The following DDX5 variants were observed in gnomAD, a reference collection of about 807,000 sequenced individuals.
DDX5 encodes the protein DEAD-box helicase 5.
Under a neutral mutation model 68.6 loss-of-function variants are expected in DDX5, and 6 were observed. That is an observed-to-expected ratio of 0.09 (90% CI 0.05 to 0.17). The LOEUF (loss-of-function observed/expected upper bound fraction) is 0.17, where lower values mean the gene tolerates loss of function less well. Among genes scored for constraint, DDX5 ranks in the 10% least tolerant of loss-of-function variants. The pLI is 1.00. For missense variants in DDX5, 499 were observed against 756.1 expected (o/e 0.66, Z 3.99); for synonymous variants, 350 against 247.0 (o/e 1.42, Z -3.91).
chr17:64,505,749 A>G, intron 1 of DDX5: 1 of 1,536,108 alleles, frequency 6.5e-7, no homozygotes, highest in South Asian at 1.2e-5. Context: ...GCCGCACCTA[A>G]CAGATGTTCC....
chr17:64,506,794 G>A (rs891006316), upstream of DDX5: 18 of 545,968 alleles, frequency 3.3e-5, no homozygotes, highest in East Asian at 5.7e-4. Flanking sequence ...CGCCCGGGCT[G>A]CCGGCTGATG....
rs2038215296 is a variant in DDX5, at chr17:64,498,681, TG to T, written c.*1241del. ...TAATCAGAATTTAAATGAAGTCTCC[TG>T]AAGACCTCTCTTCTGGCAAAAAAAA... On this transcript the variant is annotated 3_prime_UTR_variant, in exon 13 of 13. Coordinates refer to ENST00000225792, the MANE Select transcript of DDX5 (RefSeq NM_004396.5). 6.6e-6 allele frequency among the ~76,000 whole-genome samples: 1 copy of T among 151,710 alleles called. No individual in the cohort carries two copies. The highest frequency in any genetic ancestry group is 1.5e-5 in the Non-Finnish European group (1 of 68,016).
chr17:64,499,969 G>A lies in DDX5; in HGVS notation c.1799C>T (p.Ala600Val). The change falls in exon 13 of 13, where the codon GCT (alanine) becomes GTT (valine). Residue 600 changes from alanine (A) to valine (V), a missense_variant. Around this residue, in one of 5 missense-constraint regions of DDX5, gnomAD observed 171 missense variants for 174.8 expected, o/e 0.98. Coordinates refer to ENST00000225792, the MANE Select transcript of DDX5 (RefSeq NM_004396.5). ...QQAYAYPATA[A>V]APMIGYPMPT... Reference sequence around the variant, plus strand: ...CATTGGATAACCAATCATAGGTGCAGCTGCAGTAGCAGGATATGCATATGC... The same window carrying A: ...CATTGGATAACCAATCATAGGTGCAACTGCAGTAGCAGGATATGCATATGC... 1.9e-6 allele frequency: 3 copies of A among 1,612,876 alleles called. No homozygotes were observed. The highest frequency in any genetic ancestry group is 2.5e-6 in the Non-Finnish European group (3 of 1,179,268).
rs1392619094 is a variant in DDX5, at chr17:64,500,363, CTA to C, written c.1442-39_1442-38del. The C allele has an allele frequency of 4.4e-6, 7 of 1,575,804 alleles. No homozygotes were observed. The South Asian group carries it at 5.9e-5, about 13-fold the overall frequency. Reference sequence around the variant, plus strand: ...ACAATTGCAAATTGATCAATTATGTCTATGACACAAATCATTGTGGACAGAAA... The same window carrying C: ...ACAATTGCAAATTGATCAATTATGTCTGACACAAATCATTGTGGACAGAAA... On this transcript the variant is annotated intron_variant, in intron 12 of 12. Coordinates refer to ENST00000225792, the MANE Select transcript of DDX5 (RefSeq NM_004396.5).
Position 64,503,462 on chromosome 17 carries a change from G to A in DDX5, c.617C>T (p.Pro206Leu). 1.2e-6 allele frequency: 2 copies of A among 1,614,150 alleles called. No homozygotes were observed. Among genetic ancestry groups the A allele is most frequent in the Non-Finnish European group, 1.7e-6 (2 of 1,180,022 alleles). The part of the protein sequence containing the change: ...LKSTCIYGGA[P>L]KGPQIRDLER... Reference sequence around the variant, plus strand: ...CAAATCACGTATTTGTGGTCCCTTAGGAGCACCACCGTAGATACAAGTAGA... The same window carrying A: ...CAAATCACGTATTTGTGGTCCCTTAAGAGCACCACCGTAGATACAAGTAGA... Residue 206 changes from proline to leucine, a missense_variant, in exon 6 of 13, where the codon CCT (proline) becomes CTT (leucine). By Grantham distance (98) the Pro-to-Leu change is moderately conservative (BLOSUM62 -3). Transcript: ENST00000225792.
In DDX5 at chr17:64,503,888, G is replaced by T. The variant is rs1555671581; in HGVS notation, c.442-20C>A. Reference sequence around the variant, plus strand: ...CAAATACTATTTAGGGTGAAAGTGGGGACAAACAGAAATCACATTAAAATA... The same window carrying T: ...CAAATACTATTTAGGGTGAAAGTGGTGACAAACAGAAATCACATTAAAATA... On this transcript the variant is annotated intron_variant, in intron 4 of 12. Coordinates refer to ENST00000225792, the MANE Select transcript of DDX5 (RefSeq NM_004396.5). 1 of 1,613,964 alleles carries T rather than the reference G, an allele frequency of 6.2e-7. No homozygotes were observed. Among genetic ancestry groups the T allele is most frequent in the East Asian group, 2.2e-5 (1 of 44,880 alleles).
At chr17:64,505,907 C>G (rs915241982) in intron 1 of DDX5, 169 bp downstream of exon 1, 1 of 1,534,850 alleles carries the variant, frequency 6.5e-7, no homozygotes, top group African/African-American at 1.4e-5. Flanking sequence ...CAAATCTCTT[C>G]CAATCACTGT....
chr17:64,506,306 C>G (rs2038519941), upstream of DDX5: 3 of 1,512,766 alleles, frequency 2.0e-6, no homozygotes, highest in East Asian at 7.4e-5. Context: ...CGCTTTCCGG[C>G]AGCCGCTTTT....
At chr17:64,506,310 C>G, upstream of DDX5, 1 of 1,509,328 alleles carries the variant, frequency 6.6e-7, no homozygotes, top group Non-Finnish European at 8.8e-7. Context: ...TTCCGGCAGC[C>G]GCTTTTATAG....
chr17:64,502,130 A>T, intron 10 of DDX5, 32 bp downstream of exon 10: 1 of 1,613,966 alleles, frequency 6.2e-7, no homozygotes. Flanking sequence ...AGGTTAAGTA[A>T]GGGGGAAAAA....
intron 8 of DDX5, 68 bp downstream of exon 8, chr17:64,502,858 A>AATGT (rs1222432903): frequency 6.9e-7 from 1 of 1,445,676 alleles, no homozygotes; most frequent in African/African-American, 1.4e-5. Context: ...CAACTCACCA[A>AATGT]ACAATGATCC....
At chr17:64,503,928 A>G (rs1555671588) in intron 4 of DDX5, 55 bp downstream of exon 4, 10 of 1,613,426 alleles carry the variant, frequency 6.2e-6, no homozygotes, top group South Asian at 3.3e-5. Context: ...TTTTTAAATT[A>G]CCATTACATT....
chr17:64,504,633 C>G (rs2038379589), intron 2 of DDX5, 44 bp downstream of exon 2: 3 of 1,553,454 alleles, frequency 1.9e-6, no homozygotes, highest in Non-Finnish European at 8.7e-7. Context: ...TACTAGAATC[C>G]ACGATCGAGT....
chr17:64,504,655 G>A, intron 2 of DDX5, 22 bp downstream of exon 2: 1 of 1,589,018 alleles, frequency 6.3e-7, no homozygotes, highest in Non-Finnish European at 8.5e-7. Context: ...ACAGCCTGAT[G>A]AAGCCACATG....
upstream of DDX5, chr17:64,506,543 A>G: frequency 1.9e-6 from 1 of 525,690 alleles, no homozygotes. Flanking sequence ...ACCTCAAGCA[A>G]GCCACCCCGC....
At position 64,498,298 on chromosome 17, in the gene DDX5, GAC is replaced by G. The variant is rs530126312; in HGVS notation, c.*1623_*1624del. On this transcript the variant is annotated 3_prime_UTR_variant, in exon 13 of 13. Coordinates refer to ENST00000225792, the MANE Select transcript of DDX5 (RefSeq NM_004396.5). ...TATTAGTTAAGACGACCACAGGCTGGACACAACACACATGCTAAAAAGTGGAC... is the reference window on the plus strand; with the variant it reads ...TATTAGTTAAGACGACCACAGGCTGGACAACACACATGCTAAAAAGTGGAC... 7.0e-4 allele frequency among the ~76,000 whole-genome samples: 107 copies of G among 152,250 alleles called. No homozygotes were observed. Among genetic ancestry groups the G allele is most frequent in the Non-Finnish European group, 5.7e-4 (39 of 68,020 alleles).
intron 9 of DDX5, 43 bp downstream of exon 9, chr17:64,502,396 G>T: frequency 6.6e-7 from 1 of 1,515,606 alleles, no homozygotes. Flanking sequence ...CCTTTCCTAA[G>T]CTGTTTTAAT....
chr17:64,504,245 T>C lies in DDX5; in HGVS notation c.284A>G (p.Asn95Ser). 1 of 1,614,128 alleles carries C rather than the reference T, an allele frequency of 6.2e-7. No homozygotes were observed. Among genetic ancestry groups the C allele is most frequent in the Non-Finnish European group, 8.5e-7 (1 of 1,179,992 alleles). ...RGHNCPKPVL[N>S]FYEANFPANV... Reference sequence around the variant, plus strand: ...ACCAGGGAAATTGGCTTCATAAAAATTTAGAACTGGCTTCGGGCAGTTGTG... The same window carrying C: ...ACCAGGGAAATTGGCTTCATAAAAACTTAGAACTGGCTTCGGGCAGTTGTG... Residue 95 changes from asparagine to serine, a missense_variant, in exon 3 of 13, where the codon AAT becomes AGT. Physicochemically the swap from Asn to Ser is conservative, Grantham distance 46. This residue lies in a region of DDX5 where 140 missense variants were observed against 135.7 expected (regional missense o/e 1.03). Coordinates refer to ENST00000225792, the MANE Select transcript of DDX5 (RefSeq NM_004396.5).
intron 1 of DDX5, chr17:64,505,629 G>C (rs1440218502): frequency 3.6e-6 from 4 of 1,117,930 alleles, no homozygotes; most frequent in African/African-American, 3.2e-5. Flanking sequence ...TCGCGACTCA[G>C]CCACATGGCT....
Sources: gnomAD v4.1 joint callset for allele counts (sites outside exome capture counted in the v4.1 genomes callset) on GRCh38, gnomAD v4.1.1 for gene constraint, gnomAD v4.1.1 regional missense constraint, MANE v1.5 for transcripts, NCBI Gene and HGNC (gene_info 2026-07-23, HGNC 2026-07-21) for gene names.